TXNRD1: variants seen among roughly 807,000 people sequenced by gnomAD.
TXNRD1 encodes the protein thioredoxin reductase 1, cytoplasmic.
In TXNRD1, 57 loss-of-function variants were observed where a neutral mutation model predicts 80.3. The ratio of observed to expected loss-of-function variants is 0.71; its 90% confidence interval spans 0.57 to 0.89. TXNRD1 has a LOEUF of 0.89. Among genes scored for constraint, TXNRD1 ranks in the 40% least tolerant of loss-of-function variants. The pLI is 0.00. For missense variants in TXNRD1, 730 were observed against 803.0 expected (o/e 0.91, Z 1.10); for synonymous variants, 291 against 285.2 (o/e 1.02, Z -0.20).
intron 3 of TXNRD1, among the ~76,000 whole-genome samples, chr12:104,268,130 C>T (rs2033574031): frequency 6.6e-6 from 1 of 150,838 alleles, no homozygotes; most frequent in Non-Finnish European, 1.5e-5. Flanking sequence ...GCTGGGATTA[C>T]AGGTGTGAGC....
At chr12:104,327,700 T>TA in intron 13 of TXNRD1, 29 bp downstream of exon 13, 1 of 1,610,242 alleles carries the variant, frequency 6.2e-7, no homozygotes, top group South Asian at 1.1e-5. Flanking sequence ...GCCCATTAGA[T>TA]ACTGTTGTCA....
intron 10 of TXNRD1, among the ~76,000 whole-genome samples, chr12:104,323,552 C>G (rs1200044801): frequency 7.4e-4 from 100 of 135,066 alleles, no homozygotes; most frequent in African/African-American, 2.7e-3. Flanking sequence ...ACCTCCCTCC[C>G]GGACGGGGCG....
At chr12:104,302,453 A>C (rs938556470) in intron 4 of TXNRD1, among the ~76,000 whole-genome samples, 16 of 130,096 alleles carry the variant, frequency 1.2e-4, no homozygotes, top group African/African-American at 4.1e-4. Flanking sequence ...GTTTGTGTGC[A>C]TGTTCTCTTT....
At chr12:104,228,754 C>A (rs1274801562) in intron 1 of TXNRD1, among the ~76,000 whole-genome samples, 2 of 152,064 alleles carry the variant, frequency 1.3e-5, no homozygotes, top group African/African-American at 4.8e-5. Context: ...GAGTCTCGCT[C>A]TGTTGCCCAG....
chr12:104,268,917 C>CTTTTT (rs34134230), intron 3 of TXNRD1, among the ~76,000 whole-genome samples: 2 of 127,812 alleles, frequency 1.6e-5, no homozygotes, highest in African/African-American at 2.9e-5. Flanking sequence ...GTTGTCATTT[C>CTTTTT]TTTTTTTTTT....
chr12:104,218,937 A>G (rs1397645671), intron 1 of TXNRD1, among the ~76,000 whole-genome samples: 2 of 151,984 alleles, frequency 1.3e-5, no homozygotes, highest in Non-Finnish European at 2.9e-5. Flanking sequence ...ATACATATAT[A>G]CATAATGATG....
intron 4 of TXNRD1, among the ~76,000 whole-genome samples, chr12:104,308,398 T>C (rs888392088): frequency 2.0e-5 from 3 of 152,238 alleles, no homozygotes; most frequent in Non-Finnish European, 4.4e-5. Flanking sequence ...AGATATGAGC[T>C]GTCTTTTGTT....
At chr12:104,267,115 G>A (rs1309147391) in intron 3 of TXNRD1, among the ~76,000 whole-genome samples, 1 of 145,140 alleles carries the variant, frequency 6.9e-6, no homozygotes, top group African/African-American at 2.5e-5. Flanking sequence ...GCAGTGAGCC[G>A]AGATCGCGCC....
rs374745052 is a variant in TXNRD1 at position 104,254,543 on chromosome 12, A to G, written c.243+2865A>G. Among the ~76,000 whole-genome samples the G allele has an allele frequency of 1.3e-4, 20 of 148,764 alleles. No individual in the cohort carries two copies. In the East Asian group the frequency reaches 3.3e-3, roughly 25 times the overall value. On this transcript the variant is annotated intron_variant, in intron 2 of 16. Coordinates refer to ENST00000525566, the MANE Select transcript of TXNRD1 (RefSeq NM_001093771.3). ...ACAGTGGCTTATGCCTGTAATCTCA[A>G]TGCTTTGGGAGGCCAAGGCAAGAGG...
chr12:104,216,630 A>T (rs563321470), intron 1 of TXNRD1, among the ~76,000 whole-genome samples: 1 of 152,278 alleles, frequency 6.6e-6, no homozygotes, highest in African/African-American at 2.4e-5. Flanking sequence ...TTTATCATAA[A>T]CCCCATTATA....
intron 4 of TXNRD1, chr12:104,289,263 T>TA (rs1180742886): frequency 1.7e-5 from 8 of 461,066 alleles, no homozygotes; most frequent in Admixed American, 7.2e-5. Context: ...TAACGCTTTT[T>TA]ATCTTTTAAA....
At chr12:104,298,710 C>T (rs1471023555) in intron 4 of TXNRD1, among the ~76,000 whole-genome samples, 2 of 151,584 alleles carry the variant, frequency 1.3e-5, no homozygotes, top group Non-Finnish European at 2.9e-5. Context: ...GGCAACCAAG[C>T]GAGACTCTAT....
At chr12:104,222,634 C>A (rs747487281) in intron 1 of TXNRD1, among the ~76,000 whole-genome samples, 3 of 152,170 alleles carry the variant, frequency 2.0e-5, no homozygotes, top group Non-Finnish European at 4.4e-5. Context: ...AGGCAGATCA[C>A]TTGAGGTCAG....
intron 3 of TXNRD1, among the ~76,000 whole-genome samples, chr12:104,278,273 T>C (rs1331394418): frequency 4.2e-5 from 6 of 143,050 alleles, no homozygotes; most frequent in African/African-American, 1.3e-4. Flanking sequence ...TGATCTCGGC[T>C]CACTGCAAGC....
Position 104,215,903 on chromosome 12 carries a change from A to C in TXNRD1, c.91+10A>C, listed in dbSNP as rs1295487307. 2 of 1,549,676 alleles carry C rather than the reference A, an allele frequency of 1.3e-6. No homozygotes were observed. The highest frequency in any genetic ancestry group is 2.4e-5 in the South Asian group (2 of 84,040). Reference sequence around the variant, plus strand: ...GGCCGCCGTAGGTCAGGTACGACCGAGGGCGAAGGCCTGGTCCCCAGGTCG... The same window carrying C: ...GGCCGCCGTAGGTCAGGTACGACCGCGGGCGAAGGCCTGGTCCCCAGGTCG... On this transcript the variant is annotated intron_variant, in intron 1 of 16. Transcript: ENST00000525566.
In TXNRD1 at chr12:104,321,073, T is replaced by C; in HGVS notation, c.990-18T>C. On this transcript the variant is annotated intron_variant, in intron 9 of 16. Transcript: ENST00000525566. ...CTTTCTTTTTCTTCTTTCTTCCTTTTTTTTTTTTTTCCCCCAGTGATGATC... is the reference window on the plus strand; with the variant it reads ...CTTTCTTTTTCTTCTTTCTTCCTTTCTTTTTTTTTTCCCCCAGTGATGATC... 3 of 1,483,230 alleles carry C rather than the reference T, an allele frequency of 2.0e-6. No individual in the cohort carries two copies. The highest frequency in any genetic ancestry group is 2.8e-6 in the Non-Finnish European group (3 of 1,089,120). 91.9% of individuals were successfully genotyped at this position (1,483,230 alleles called of 1,614,324 possible). A position where few individuals can be genotyped will look rare whatever the true frequency, so the allele number is the denominator to read the frequency against.
At chr12:104,326,250 G>A in intron 11 of TXNRD1, 97 bp from the exon 12 acceptor site, 1 of 774,138 alleles carries the variant, frequency 1.3e-6, no homozygotes. Context: ...TTTGAAAAAT[G>A]AAATCAGATT....
chr12:104,279,766 A>C (rs1451496364), intron 3 of TXNRD1, among the ~76,000 whole-genome samples: 1 of 152,122 alleles, frequency 6.6e-6, no homozygotes, highest in African/African-American at 2.4e-5. Flanking sequence ...AGACAAACCA[A>C]AAAAACCAAA....
intron 3 of TXNRD1, among the ~76,000 whole-genome samples, chr12:104,276,333 G>T (rs979208730): frequency 1.3e-5 from 2 of 152,166 alleles, no homozygotes; most frequent in African/African-American, 4.8e-5. Context: ...GAGCTGCTGG[G>T]AAGAGAAGAC....
Sources: gnomAD v4.1 joint callset for allele counts (sites outside exome capture counted in the v4.1 genomes callset) on GRCh38, gnomAD v4.1.1 for gene constraint, MANE v1.5 for transcripts, NCBI Gene and HGNC (gene_info 2026-07-23, HGNC 2026-07-21) for gene names.